DENND3: variants seen among roughly 807,000 people sequenced by gnomAD.
The protein encoded by DENND3 is DENN domain containing 3.
In DENND3, 88 loss-of-function variants were observed where a neutral mutation model predicts 135.1. The observed-to-expected ratio is 0.65, with a 90% CI of 0.55 to 0.78. DENND3 has a LOEUF of 0.78. DENND3 is among the 30% of genes least tolerant of loss of function. The pLI is 0.00. For synonymous variants in DENND3, 693 were observed against 712.3 expected, an observed-to-expected ratio of 0.97 and a Z score of 0.43; for missense variants, 1,392 against 1,688.4, an observed-to-expected ratio of 0.82 and a Z score of 3.08.
chr8:141,157,228 T>C (rs1467209032), intron 8 of DENND3, among the ~76,000 whole-genome samples: 1 of 152,176 alleles, frequency 6.6e-6, no homozygotes, highest in Non-Finnish European at 1.5e-5. Flanking sequence ...GAGGTCTCTG[T>C]CGAGGTGCAA....
Position 141,166,393 on chromosome 8 carries a change from A to G in DENND3, c.1753+4A>G, listed in dbSNP as rs2154613165. The stretch of plus-strand genomic sequence containing the variant: ...GGCTGTAGGGGCAGCAGCGCAGGTG[A>G]GGGCTGCCCCCCACTGTGGTGCTGT... On this transcript the variant is annotated splice_donor_region_variant and intron_variant, in intron 12 of 22. Coordinates refer to ENST00000519811, the MANE Select transcript of DENND3 (RefSeq NM_001352890.3). This position sits in a 1 kb window ranked among gnomAD's most constrained non-coding sequence, Gnocchi z 4.3. 1 of 1,609,450 alleles carries G rather than the reference A, an allele frequency of 6.2e-7. No homozygotes were observed. Among genetic ancestry groups the G allele is most frequent in the East Asian group, 2.2e-5 (1 of 44,846 alleles).
In DENND3 at chr8:141,139,091, G is replaced by A. The variant is rs1044538576; in HGVS notation, c.501+954G>A. Among the ~76,000 whole-genome samples, 1 of 152,080 alleles carries A rather than the reference G, an allele frequency of 6.6e-6. No individual in the cohort carries two copies. Among genetic ancestry groups the A allele is most frequent in the Non-Finnish European group, 1.5e-5 (1 of 68,034 alleles). ...AGGTGCAGGGTGACCTGCTGCACAC[G>A]TCCAGAGGGTTTCCCGAAGCAAAAA... On this transcript the variant is annotated intron_variant, in intron 3 of 22. Coordinates refer to ENST00000519811, the MANE Select transcript of DENND3 (RefSeq NM_001352890.3). The surrounding 1 kb of genome is among the most constrained non-coding windows in gnomAD (Gnocchi z 4.2).
At chr8:141,169,718 C>T (rs542931238) in intron 13 of DENND3, among the ~76,000 whole-genome samples, 18 of 152,306 alleles carry the variant, frequency 1.2e-4, no homozygotes, top group South Asian at 2.1e-4. Flanking sequence ...ACCTAGTGGT[C>T]GTGAGTTTAA....
In DENND3 at chr8:141,133,628, A is replaced by C. The variant is rs543965183; in HGVS notation, c.103-2881A>C. Among the ~76,000 whole-genome samples the C allele has an allele frequency of 5.3e-5, 8 of 152,166 alleles. No individual in the cohort carries two copies. The East Asian group carries it at 1.2e-3, about 22-fold the overall frequency. On this transcript the variant is annotated intron_variant, in intron 1 of 22. Coordinates refer to ENST00000519811, the MANE Select transcript of DENND3 (RefSeq NM_001352890.3). ...GGGTCTTGCAGGTGCTTGGTGTGGA[A>C]ACATGGTGCAGCGGGGCAGCATCGA...
At chr8:141,164,058 C>T (rs915564149) in intron 10 of DENND3, among the ~76,000 whole-genome samples, 5 of 152,194 alleles carry the variant, frequency 3.3e-5, no homozygotes, top group Non-Finnish European at 7.4e-5. Context: ...TGCCCCATCC[C>T]TCCCCAGGTC....
At chr8:141,131,502 G>A (rs557932882) in intron 1 of DENND3, among the ~76,000 whole-genome samples, 3 of 152,300 alleles carry the variant, frequency 2.0e-5, no homozygotes, top group African/African-American at 4.8e-5. Context: ...TCTTTGCACC[G>A]TGCAGTACAA....
chr8:141,157,378 C>A (rs1455449271), intron 8 of DENND3: 2 of 985,370 alleles, frequency 2.0e-6, no homozygotes, highest in Non-Finnish European at 2.4e-6. Flanking sequence ...CTGCGGAGCT[C>A]ATTTTTCCCT....
intron 5 of DENND3, chr8:141,150,422 T>A: frequency 2.7e-5 from 22 of 800,866 alleles, no homozygotes; most frequent in Middle Eastern, 3.9e-4. Context: ...ACTATTAAAT[T>A]GTCAAAGCTA....
At chr8:141,190,013 G>A (rs1054366542) in intron 19 of DENND3, among the ~76,000 whole-genome samples, 16 of 152,128 alleles carry the variant, frequency 1.1e-4, no homozygotes, top group African/African-American at 3.9e-4. Flanking sequence ...GGAGAGGTGG[G>A]CGTCCCGAGA....
Position 141,168,464 on chromosome 8 carries a change from G to A in DENND3, c.2214G>A (p.Gln738=). The change falls in exon 13 of 23, where the codon CAG becomes CAA. Residue 738 remains glutamine, a synonymous_variant. Coordinates refer to ENST00000519811, the MANE Select transcript of DENND3 (RefSeq NM_001352890.3). The surrounding 1 kb of genome is among the most constrained non-coding windows in gnomAD (Gnocchi z 6.2). ...MQLGDFMKRV[Q]ESGIVKDASI... ...TGGGCGACTTCATGAAGCGGGTCCA[G>A]GAGTCAGGGATCGTGAAGGACGCCA... The A allele has an allele frequency of 6.2e-7, 1 of 1,613,692 alleles. No homozygotes were observed. The highest frequency in any genetic ancestry group is 8.5e-7 in the Non-Finnish European group (1 of 1,179,992).
At chr8:141,184,639 C>T (rs1396579330) in intron 17 of DENND3, 1 of 153,662 alleles carries the variant, frequency 6.5e-6, no homozygotes, top group Non-Finnish European at 1.4e-5. Flanking sequence ...CCAAAAGCTC[C>T]ACACCCTTAG....
intron 1 of DENND3, among the ~76,000 whole-genome samples, chr8:141,135,448 G>A (rs1468805023): frequency 1.4e-4 from 21 of 152,178 alleles, no homozygotes; most frequent in Admixed American, 1.4e-3. Context: ...CACTGCACCC[G>A]GCAATGCTGT....
At chr8:141,172,926 A>G (rs952425833) in intron 13 of DENND3, among the ~76,000 whole-genome samples, 1 of 144,438 alleles carries the variant, frequency 6.9e-6, no homozygotes, top group Non-Finnish European at 1.5e-5. Context: ...TTAAAAAAAA[A>G]AAAAGAAAGA....
chr8:141,136,767 A>G lies in DENND3; in HGVS notation c.361A>G (p.Thr121Ala). Residue 121 changes from threonine (T) to alanine (A), a missense_variant, in exon 2 of 23, where the codon ACC (threonine) becomes GCC (alanine). Thr to Ala is a moderately conservative substitution (Grantham distance 58, BLOSUM62 0). Transcript: ENST00000519811. The stretch of plus-strand genomic sequence containing the variant: ...CGTCCCGGGCGGCGTGGACCTCCTC[A>G]CCCTGCCGCAGCTGTGCTTCCCAGG... ...VAVPGGVDLL[T>A]LPQLCFPGGV... is the part of the protein sequence containing the mutation. The G allele has an allele frequency of 6.3e-7, 1 of 1,581,284 alleles. No homozygotes were observed. The highest frequency in any genetic ancestry group is 8.6e-7 in the Non-Finnish European group (1 of 1,164,980).
intron 1 of DENND3, among the ~76,000 whole-genome samples, chr8:141,131,658 C>A (rs1816110286): frequency 6.6e-6 from 1 of 152,186 alleles, no homozygotes; most frequent in African/African-American, 2.4e-5. Flanking sequence ...TTAATAATGG[C>A]CAATCCTATA....
intron 13 of DENND3, among the ~76,000 whole-genome samples, chr8:141,171,879 T>C (rs1342067092): frequency 6.9e-6 from 1 of 145,776 alleles, no homozygotes; most frequent in East Asian, 2.1e-4. Flanking sequence ...TTGGTGTGCA[T>C]GGTGATGGGC....
intron 16 of DENND3, among the ~76,000 whole-genome samples, chr8:141,179,707 C>T (rs983657171): frequency 3.9e-5 from 6 of 152,262 alleles, no homozygotes; most frequent in South Asian, 2.1e-4. Flanking sequence ...CAGCCTCGTG[C>T]GGAGTCCTGG....
chr8:141,155,934 A>G lies in DENND3; in HGVS notation c.1160A>G (p.Asp387Gly). 1 of 1,612,330 alleles carries G rather than the reference A, an allele frequency of 6.2e-7. No individual in the cohort carries two copies. Among genetic ancestry groups the G allele is most frequent in the Non-Finnish European group, 8.5e-7 (1 of 1,178,964 alleles). ...KSTDDNVDIP[D>G]VPLLAAQTFI... ...ACGGACGATAACGTGGACATTCCTG[A>G]TGTCCCCCTCCTGGCAGCCCAGACG... Residue 387 changes from aspartate (D) to glycine (G), a missense_variant, in exon 8 of 23, where the codon GAT becomes GGT. Asp to Gly is a moderately conservative substitution (Grantham distance 94). Transcript: ENST00000519811.
rs976623975 is a variant in DENND3, at chr8:141,128,612, C to G, written c.-96C>G. 2.8e-6 allele frequency: 2 copies of G among 705,388 alleles called. No homozygotes were observed. The highest frequency in any genetic ancestry group is 3.7e-6 in the Non-Finnish European group (2 of 535,582). The allele number at this position is 705,388 out of a possible 1,614,324, so 43.7% of individuals were successfully genotyped here. Reference sequence around the variant, plus strand: ...CCGCAGACGGCGCTCGCAGCGCCCCCGGCCCCCAGGCGGCGCGGCTGGTCC... The same window carrying G: ...CCGCAGACGGCGCTCGCAGCGCCCCGGGCCCCCAGGCGGCGCGGCTGGTCC... On this transcript the variant is annotated 5_prime_UTR_variant, in exon 1 of 23. Coordinates refer to ENST00000519811, the MANE Select transcript of DENND3 (RefSeq NM_001352890.3). This position sits in a 1 kb window ranked among gnomAD's most constrained non-coding sequence, Gnocchi z 4.5.
Sources: gnomAD v4.1 joint callset for allele counts (sites outside exome capture counted in the v4.1 genomes callset) on GRCh38, gnomAD v4.1.1 for gene constraint, Gnocchi (gnomAD v3.1) non-coding constraint, MANE v1.5 for transcripts, NCBI Gene and HGNC (gene_info 2026-07-23, HGNC 2026-07-21) for gene names.